Variants in TXNRD1 observed in about 807,000 individuals in gnomAD.
TXNRD1 encodes thioredoxin reductase 1, also known as thioredoxin reductase 1, cytoplasmic.
In TXNRD1, 57 loss-of-function variants were observed where a neutral mutation model predicts 80.3. That is an observed-to-expected ratio of 0.71 (90% confidence interval 0.57 to 0.89). The LOEUF (loss-of-function observed/expected upper bound fraction) is 0.89. Among genes scored for constraint, TXNRD1 ranks in the 40% least tolerant of loss-of-function variants. The pLI is 0.00. For synonymous variants in TXNRD1, 291 were observed against 285.2 expected, an observed-to-expected ratio of 1.02 and a Z score of -0.20; for missense variants, 730 against 803.0, an observed-to-expected ratio of 0.91 and a Z score of 1.10.
chr12:104,237,295 C>T (rs900562462), intron 1 of TXNRD1, among the ~76,000 whole-genome samples: 4 of 152,142 alleles, frequency 2.6e-5, no homozygotes, highest in East Asian at 1.9e-4. Context: ...GCATGCTCTG[C>T]GCCATCTGAA....
chr12:104,263,961 T>C (rs1238680719), intron 3 of TXNRD1, among the ~76,000 whole-genome samples: 3 of 152,230 alleles, frequency 2.0e-5, no homozygotes, highest in Non-Finnish European at 2.9e-5. Context: ...TTGAATAACT[T>C]GCTCAATGTT....
At chr12:104,302,827 T>TGA (rs1453905710) in intron 4 of TXNRD1, among the ~76,000 whole-genome samples, 5 of 152,164 alleles carry the variant, frequency 3.3e-5, no homozygotes, top group Admixed American at 1.3e-4. Flanking sequence ...TTGCTGCTGG[T>TGA]GAGACAGATA....
chr12:104,334,002 G>A (rs1255535244), intron 14 of TXNRD1: 6 of 267,506 alleles, frequency 2.2e-5, no homozygotes, highest in Non-Finnish European at 4.1e-5. Context: ...TAGTTAGGGT[G>A]TACTATTTTG....
intron 5 of TXNRD1, among the ~76,000 whole-genome samples, chr12:104,311,714 C>T (rs2035139442): frequency 1.3e-5 from 2 of 152,160 alleles, no homozygotes; most frequent in Non-Finnish European, 2.9e-5. Context: ...GGTGTGGTGA[C>T]TCACGCCTGT....
intron 3 of TXNRD1, chr12:104,265,351 C>T (rs1245152195): frequency 1.9e-6 from 3 of 1,609,264 alleles, no homozygotes; most frequent in Non-Finnish European, 1.7e-6. Flanking sequence ...GGTAGTGGGT[C>T]GCTGCCTGCC....
intron 1 of TXNRD1, among the ~76,000 whole-genome samples, chr12:104,244,509 A>G (rs1277551429): frequency 2.0e-5 from 3 of 152,190 alleles, no homozygotes; most frequent in East Asian, 3.8e-4. Context: ...TGTCACGCCA[A>G]TATAACTAAT....
At chr12:104,223,573 C>T (rs1268708242) in intron 1 of TXNRD1, among the ~76,000 whole-genome samples, 4 of 152,216 alleles carry the variant, frequency 2.6e-5, no homozygotes, top group African/African-American at 9.6e-5. Flanking sequence ...AGCATGGTTT[C>T]GCTGTACCAT....
chr12:104,316,334 A>G (rs2135819051), intron 7 of TXNRD1, among the ~76,000 whole-genome samples: 1 of 151,358 alleles, frequency 6.6e-6, no homozygotes, highest in Admixed American at 6.6e-5. Context: ...AAAACTATTT[A>G]GAGTACCCTA....
rs767433265 is a variant in TXNRD1 at position 104,321,230 on chromosome 12, G to T, written c.1129G>T (p.Gly377Ter). The change falls in exon 10 of 17, where the codon GGA becomes TGA. Residue 377 changes from glycine (G) to a stop codon, truncating the protein, a stop_gained. Coordinates refer to ENST00000525566, the MANE Select transcript of TXNRD1 (RefSeq NM_001093771.3). LOFTEE classifies it high-confidence loss of function. ...TVMVRSILLR[G>*]FDQDMANKIG... The stretch of plus-strand genomic sequence containing the variant: ...TATGGTTAGGTCCATTCTTCTTAGA[G>T]GATTTGACCAGGACATGGCCAACAA... 1 of 1,613,882 alleles carries T rather than the reference G, an allele frequency of 6.2e-7. No homozygotes were observed. The highest frequency in any genetic ancestry group is 8.5e-7 in the Non-Finnish European group (1 of 1,179,846).
In TXNRD1 at chr12:104,251,614, A is replaced by G. The variant is rs772214340; in HGVS notation, c.179A>G (p.Gln60Arg). The change falls in exon 2 of 17, where the codon CAG (glutamine) becomes CGG (arginine). Residue 60 changes from glutamine (Q) to arginine (R), a missense_variant. Coordinates refer to ENST00000525566, the MANE Select transcript of TXNRD1 (RefSeq NM_001093771.3). ...TATADSRALL[Q>R]AYIDGHSVVI... The stretch of plus-strand genomic sequence containing the variant: ...ACTGCAGACTCCAGAGCCCTGCTTC[A>G]GGCCTATATAGATGGTCACTCTGTG... The G allele has an allele frequency of 2.5e-6, 4 of 1,614,012 alleles. No homozygotes were observed. Among genetic ancestry groups the G allele is most frequent in the Non-Finnish European group, 3.4e-6 (4 of 1,179,890 alleles).
In TXNRD1 at chr12:104,283,321, G is replaced by A. The variant is rs188561738; in HGVS notation, c.305-5610G>A. ...GGCTGGAGTACAATGGCATGATCTC[G>A]GCTCACCGCAACTTCCGTCTCCTGG... is the stretch of plus-strand genomic sequence containing the variant. On this transcript the variant is annotated intron_variant, in intron 3 of 16. Coordinates refer to ENST00000525566, the MANE Select transcript of TXNRD1 (RefSeq NM_001093771.3). 3.9e-3 allele frequency among the ~76,000 whole-genome samples: 592 copies of A among 151,818 alleles called. 4 individuals carry two copies. The highest frequency in any genetic ancestry group is 0.013 in the African/African-American group (551 of 41,392).
At position 104,315,847 on chromosome 12, in the gene TXNRD1, A is replaced by G; in HGVS notation, c.681A>G (p.Gly227=). 6.2e-7 allele frequency: 1 copy of G among 1,612,708 alleles called. No homozygotes were observed. The highest frequency in any genetic ancestry group is 1.7e-5 in the Admixed American group (1 of 59,962). The change falls in exon 7 of 17, where the codon GGA becomes GGG. Residue 227 remains glycine (G), a synonymous_variant. Transcript: ENST00000525566. ...TGATGCATCAAGCAGCTTTGTTAGG[A>G]CAAGCCCTGCAAGACTCTCGAAATT... is the stretch of plus-strand genomic sequence containing the variant. ...KKLMHQAALL[G]QALQDSRNYG...
chr12:104,322,274 G>A (rs570248689), intron 10 of TXNRD1, among the ~76,000 whole-genome samples: 1 of 150,504 alleles, frequency 6.6e-6, no homozygotes, highest in Admixed American at 6.6e-5. Flanking sequence ...TAGAGAGTAA[G>A]TTTAAAGTGA....
Position 104,339,114 on chromosome 12 carries a change from A to G in TXNRD1, c.1747-25A>G, listed in dbSNP as rs749673219. ...AGGGGAGAAAAATCAGCTTAATTGC[A>G]TTATTGTATTTTTTTTTGCCTTAGG... On this transcript the variant is annotated intron_variant, in intron 15 of 16. Coordinates refer to ENST00000525566, the MANE Select transcript of TXNRD1 (RefSeq NM_001093771.3). The G allele has an allele frequency of 3.1e-6, 5 of 1,613,298 alleles. No homozygotes were observed. In the South Asian group the frequency reaches 3.3e-5, roughly 11 times the overall value.
At chr12:104,290,680 CAGTG>C (rs1174306483) in intron 4 of TXNRD1, among the ~76,000 whole-genome samples, 1 of 125,716 alleles carries the variant, frequency 8.0e-6, no homozygotes, top group Non-Finnish European at 1.6e-5. Context: ...GCCTAGGTGA[CAGTG>C]AGACCCTGTC....
intron 3 of TXNRD1, among the ~76,000 whole-genome samples, chr12:104,267,699 T>TCTC (rs2033552032): frequency 4.3e-5 from 2 of 46,416 alleles, no homozygotes; most frequent in Non-Finnish European, 9.3e-5. Context: ...CTTTCTTTCT[T>TCTC]TCTCTCTTTC....
chr12:104,334,152 A>G, intron 14 of TXNRD1, 85 bp from the exon 15 acceptor site: 2 of 503,064 alleles, frequency 4.0e-6, no homozygotes, highest in Non-Finnish European at 3.4e-6. Context: ...CTTATTAAAG[A>G]GTCTCTACTG....
chr12:104,232,576 G>A (rs991872633), intron 1 of TXNRD1, among the ~76,000 whole-genome samples: 4 of 151,880 alleles, frequency 2.6e-5, no homozygotes, highest in South Asian at 2.1e-4. Flanking sequence ...AAAAAGTGAC[G>A]TTCTTTACTG....
At chr12:104,308,838 T>G (rs1375352687) in intron 4 of TXNRD1, among the ~76,000 whole-genome samples, 4 of 152,102 alleles carry the variant, frequency 2.6e-5, no homozygotes, top group African/African-American at 9.7e-5. Context: ...ACCACTTAAA[T>G]GGAACTGAAT....
Sources: allele counts gnomAD v4.1 joint callset (sites outside exome capture counted in the v4.1 genomes callset), GRCh38; gene constraint gnomAD v4.1.1; transcripts MANE v1.5; gene names NCBI Gene and HGNC (gene_info 2026-07-23, HGNC 2026-07-21).